The following SORCS1 variants were observed in gnomAD, a reference collection of about 807,000 sequenced individuals.
SORCS1 encodes the protein VPS10 domain-containing receptor SorCS1.
Under a neutral mutation model 146.1 loss-of-function variants are expected in SORCS1, and 60 were observed. The ratio of observed to expected loss-of-function variants is 0.41; its 90% CI spans 0.33 to 0.51. The LOEUF is 0.51. Among genes scored for constraint, SORCS1 ranks in the 20% least tolerant of loss-of-function variants. SORCS1 has a pLI of 0.21. For missense variants in SORCS1, 1,352 were observed against 1,487.6 expected (o/e 0.91, Z 1.50); for synonymous variants, 637 against 584.0 (o/e 1.09, Z -1.31).
At position 107,073,217 on chromosome 10, in the gene SORCS1, G is replaced by A. The variant is rs557391570; in HGVS notation, c.558+90752C>T. ...CAAGGTGGAAAGACCATGAATAAAA[G>A]CATAAAGAGATGCAACTAATTTTCT... On this transcript the variant is annotated intron_variant, in intron 1 of 25. Transcript: ENST00000263054. Among the ~76,000 whole-genome samples the A allele has an allele frequency of 6.6e-5, 10 of 152,284 alleles. No homozygotes were observed. The South Asian group carries it at 1.9e-3, about 28-fold the overall frequency.
At chr10:107,165,268 T>A (rs1381809347), upstream of SORCS1, among the ~76,000 whole-genome samples, 1 of 147,234 alleles carries the variant, frequency 6.8e-6, no homozygotes, top group Non-Finnish European at 1.5e-5. This position sits in a 1 kb window ranked among gnomAD's most constrained non-coding sequence, Gnocchi z 4.0. Context: ...CAGAGAGTGA[T>A]GTAATTAAAT....
At chr10:107,012,678 C>T (rs925127109) in intron 1 of SORCS1, among the ~76,000 whole-genome samples, 8 of 152,164 alleles carry the variant, frequency 5.3e-5, no homozygotes, top group African/African-American at 9.7e-5. Flanking sequence ...CCTCTAGTGT[C>T]CACATGTTCC....
chr10:106,752,770 G>A (rs1201593624), intron 5 of SORCS1, among the ~76,000 whole-genome samples: 1 of 152,080 alleles, frequency 6.6e-6, no homozygotes, highest in Non-Finnish European at 1.5e-5. Flanking sequence ...GTAATGCTAA[G>A]GAGAATGGGG....
At chr10:106,593,568 T>C (rs1185388514) in intron 24 of SORCS1, among the ~76,000 whole-genome samples, 1 of 152,228 alleles carries the variant, frequency 6.6e-6, no homozygotes, top group Admixed American at 6.5e-5. Context: ...CTGGAGCTAA[T>C]TATCCACATA....
chr10:106,628,914 T>C (rs1379193890), intron 19 of SORCS1, among the ~76,000 whole-genome samples: 1 of 152,200 alleles, frequency 6.6e-6, no homozygotes, highest in African/African-American at 2.4e-5. Flanking sequence ...TGCAAGTTAC[T>C]TAGGCTCAGC....
intron 9 of SORCS1, among the ~76,000 whole-genome samples, chr10:106,693,169 A>T (rs1185779095): frequency 6.6e-6 from 1 of 152,170 alleles, no homozygotes; most frequent in African/African-American, 2.4e-5. Context: ...CTGAAACCCT[A>T]CTGGTCCCAA....
chr10:107,080,804 G>C (rs1963273108), intron 1 of SORCS1, among the ~76,000 whole-genome samples: 1 of 152,168 alleles, frequency 6.6e-6, no homozygotes, highest in African/African-American at 2.4e-5. Context: ...TTAACCTCAT[G>C]TTGTCAACTG....
At chr10:107,004,199 A>G (rs540290239) in intron 1 of SORCS1, among the ~76,000 whole-genome samples, 3 of 148,014 alleles carry the variant, frequency 2.0e-5, no homozygotes, top group Non-Finnish European at 3.0e-5. Context: ...AAAAAAAAAA[A>G]GCAGAGAATA....
At chr10:106,837,531 G>C (rs1356763834) in intron 2 of SORCS1, among the ~76,000 whole-genome samples, 1 of 150,556 alleles carries the variant, frequency 6.6e-6, no homozygotes, top group East Asian at 1.9e-4. Context: ...ATTGGCTTTT[G>C]CAACACCAAA....
In SORCS1 at chr10:106,606,274, TACACACACACACAC is replaced by T. The variant is rs6144077; in HGVS notation, c.3165+878_3165+891del. Among the ~76,000 whole-genome samples the T allele has an allele frequency of 7.2e-3, 1,008 of 139,060 alleles. 10 individuals are homozygous for T. The highest frequency in any genetic ancestry group is 0.022 in the African/African-American group (735 of 33,208). The allele number at this position is 139,060 out of a possible 152,430, so 91.2% of individuals were successfully genotyped here. On this transcript the variant is annotated intron_variant, in intron 23 of 25. Coordinates refer to ENST00000263054, the MANE Select transcript of SORCS1 (RefSeq NM_052918.5). ...AATCACACAAATACACACACAGATA[TACACACACACACAC>T]ACACACACACACACACACACACACA... is the stretch of plus-strand genomic sequence containing the variant.
At chr10:107,139,092 G>C (rs1168346524) in intron 1 of SORCS1, among the ~76,000 whole-genome samples, 6 of 152,138 alleles carry the variant, frequency 3.9e-5, no homozygotes, top group Admixed American at 3.3e-4. Context: ...TGATGTGCTT[G>C]TTTACAGATT....
At chr10:106,730,719 G>A (rs59378059) in intron 5 of SORCS1, among the ~76,000 whole-genome samples, 2,079 of 152,014 alleles carry the variant, frequency 0.014, 49 homozygotes, top group African/African-American at 0.048. Context: ...AAAATGCCTT[G>A]GAGACACATA....
chr10:107,134,964 G>A (rs983217143), intron 1 of SORCS1, among the ~76,000 whole-genome samples: 1 of 152,210 alleles, frequency 6.6e-6, no homozygotes, highest in African/African-American at 2.4e-5. Flanking sequence ...CTTTTCTGCA[G>A]GTAAATATGT....
intron 3 of SORCS1, among the ~76,000 whole-genome samples, chr10:106,791,141 T>G (rs985458775): frequency 1.3e-5 from 2 of 152,214 alleles, no homozygotes; most frequent in Non-Finnish European, 2.9e-5. Flanking sequence ...GAGGGTGTCG[T>G]GTGACACTTC....
intron 22 of SORCS1, among the ~76,000 whole-genome samples, chr10:106,609,890 AC>A (rs1846859525): frequency 6.6e-6 from 1 of 152,198 alleles, no homozygotes; most frequent in African/African-American, 2.4e-5. Context: ...GGGGAGTTGG[AC>A]AGATAGAGGA....
At chr10:107,074,855 C>T (rs1962748382) in intron 1 of SORCS1, among the ~76,000 whole-genome samples, 1 of 151,968 alleles carries the variant, frequency 6.6e-6, no homozygotes, top group Non-Finnish European at 1.5e-5. Context: ...TCTTTGGTGG[C>T]ATATCTGTTA....
chr10:106,779,682 T>C (rs967077805), intron 3 of SORCS1, among the ~76,000 whole-genome samples: 1 of 151,822 alleles, frequency 6.6e-6, no homozygotes, highest in Non-Finnish European at 1.5e-5. Flanking sequence ...AGAGATGGGG[T>C]TCGCCATGTT....
chr10:107,133,917 CTG>C (rs1313393365), intron 1 of SORCS1, among the ~76,000 whole-genome samples: 1 of 152,226 alleles, frequency 6.6e-6, no homozygotes, highest in Non-Finnish European at 1.5e-5. Context: ...GTCCTTTACA[CTG>C]TGTCAAAAGA....
intron 5 of SORCS1, among the ~76,000 whole-genome samples, chr10:106,736,134 T>C (rs1342160390): frequency 1.3e-5 from 2 of 152,246 alleles, no homozygotes; most frequent in South Asian, 4.1e-4. Context: ...GCAGCCTTTG[T>C]AGACATTTTC....
Sources: gnomAD v4.1 joint callset for allele counts (sites outside exome capture counted in the v4.1 genomes callset) on GRCh38, gnomAD v4.1.1 for gene constraint, Gnocchi (gnomAD v3.1) non-coding constraint, MANE v1.5 for transcripts, NCBI Gene and HGNC (gene_info 2026-07-23, HGNC 2026-07-21) for gene names.